The following ATRX variants were observed in gnomAD, a reference collection of about 807,000 sequenced individuals.
ATRX encodes the protein chromatin remodeler ATRX.
A neutral mutation model predicts 172.6 loss-of-function variants in ATRX; 12 were observed. That is an observed-to-expected ratio of 0.07 (90% CI 0.04 to 0.11). ATRX has a LOEUF of 0.11. Ranked by LOEUF, ATRX falls within the 10% of genes least tolerant of loss-of-function variation. ATRX has a pLI of 1.00. For missense variants in ATRX, 1,368 were observed against 1,767.4 expected (o/e 0.77, Z 4.05); for synonymous variants, 674 against 594.7 (o/e 1.13, Z -1.94).
At chrX:77,754,228 G>T (rs1319940081) in intron 1 of ATRX, among the ~76,000 whole-genome samples, 1 of 109,869 alleles carries the variant, frequency 9.1e-6, no homozygotes, top group Non-Finnish European at 1.9e-5. Flanking sequence ...GAGCCTATGT[G>T]TGTCTTTGCA....
chrX:77,635,281 T>A (rs1330989622), intron 16 of ATRX, among the ~76,000 whole-genome samples: 1 of 110,963 alleles, frequency 9.0e-6, no homozygotes, highest in African/African-American at 3.3e-5. Flanking sequence ...CGAGACTCCA[T>A]CTCAAAAAAT....
At chrX:77,531,797 G>C (rs187028014) in intron 30 of ATRX, among the ~76,000 whole-genome samples, 359 of 111,687 alleles carry the variant, frequency 3.2e-3, no homozygotes, top group Non-Finnish European at 5.6e-3. Context: ...TCAGGCAAGA[G>C]AAAGAAATAA....
chrX:77,758,720 T>C (rs2075606431), intron 1 of ATRX, among the ~76,000 whole-genome samples: 1 of 110,539 alleles, frequency 9.0e-6, no homozygotes, highest in Non-Finnish European at 1.9e-5. Context: ...ATCACGCCAC[T>C]GCACTTTAGC....
chrX:77,745,746 A>G (rs1207418481), intron 1 of ATRX, among the ~76,000 whole-genome samples: 1 of 111,571 alleles, frequency 9.0e-6, no homozygotes, highest in African/African-American at 3.3e-5. Context: ...GCATTTTAAT[A>G]TAACTACTAG....
chrX:77,655,667 CCA>C (rs2069506477), intron 13 of ATRX, among the ~76,000 whole-genome samples: 1 of 108,461 alleles, frequency 9.2e-6, no homozygotes, highest in African/African-American at 3.4e-5. Context: ...CCACTGTATT[CCA>C]CAGTATAACA....
intron 25 of ATRX, chrX:77,596,765 G>A (rs1356007572): frequency 1.8e-5 from 2 of 110,451 alleles, no homozygotes; most frequent in African/African-American, 6.6e-5. Context: ...ACTCATTTAC[G>A]GAGGCAAACC....
chrX:77,755,001 G>A (rs1486647626), intron 1 of ATRX, among the ~76,000 whole-genome samples: 1 of 111,969 alleles, frequency 8.9e-6, no homozygotes, highest in African/African-American at 3.2e-5. Context: ...TTTTCACATA[G>A]TCCCATATTT....
chrX:77,765,845 A>G (rs5959678), intron 1 of ATRX, among the ~76,000 whole-genome samples: 36 of 108,867 alleles, frequency 3.3e-4, no homozygotes, highest in South Asian at 2.4e-3. Flanking sequence ...GCGGCCTTCC[A>G]CAGTGTTTGT....
At chrX:77,681,177 T>C (rs1405261533) in intron 9 of ATRX, among the ~76,000 whole-genome samples, 1 of 111,678 alleles carries the variant, frequency 9.0e-6, no homozygotes, top group Non-Finnish European at 1.9e-5. Flanking sequence ...AAGCACTCAC[T>C]TCCATTATAT....
intron 22 of ATRX, chrX:77,616,182 C>A: frequency 1.2e-6 from 1 of 830,788 alleles, no homozygotes; most frequent in Non-Finnish European, 1.5e-6. Flanking sequence ...TACTACATGC[C>A]TTGCCTTCTA....
chrX:77,509,232 TA>T (rs1182678747), intron 34 of ATRX, among the ~76,000 whole-genome samples: 9 of 112,100 alleles, frequency 8.0e-5, no homozygotes, highest in Middle Eastern at 4.6e-3. Flanking sequence ...AGTACCCTTT[TA>T]AAGAATTATA....
intron 1 of ATRX, among the ~76,000 whole-genome samples, chrX:77,746,303 TA>T (rs1240201777): frequency 2.7e-5 from 3 of 110,861 alleles, no homozygotes; most frequent in Non-Finnish European, 3.8e-5. Context: ...TTTATATAAA[TA>T]AAAAAAGATC....
At chrX:77,753,333 T>C (rs1557188517) in intron 1 of ATRX, among the ~76,000 whole-genome samples, 1 of 111,565 alleles carries the variant, frequency 9.0e-6, no homozygotes, top group Admixed American at 9.5e-5. Flanking sequence ...TCATTCTTTA[T>C]TGTGTCTATT....
intron 22 of ATRX, among the ~76,000 whole-genome samples, chrX:77,605,776 A>G (rs1265542205): frequency 9.0e-6 from 1 of 111,661 alleles, no homozygotes; most frequent in African/African-American, 3.2e-5. Flanking sequence ...AAAAAGTTTA[A>G]AAGTAGAAAA....
At chrX:77,593,613 C>T in intron 26 of ATRX, 83 bp downstream of exon 26, 1 of 1,002,961 alleles carries the variant, frequency 1.0e-6, no homozygotes, top group Non-Finnish European at 1.4e-6. Flanking sequence ...GGAAAAGCAA[C>T]AGATTTGTTC....
chrX:77,723,445 T>C (rs782693591), intron 1 of ATRX, among the ~76,000 whole-genome samples: 1 of 111,963 alleles, frequency 8.9e-6, no homozygotes, highest in African/African-American at 3.2e-5. Context: ...AGAAATGAGA[T>C]ATAACAGACA....
intron 15 of ATRX, among the ~76,000 whole-genome samples, chrX:77,647,324 A>C (rs1557114331): frequency 8.9e-6 from 1 of 112,137 alleles, no homozygotes; most frequent in Non-Finnish European, 1.9e-5. Context: ...AAGAAAGATC[A>C]CAATCAAGAA....
At chrX:77,590,375 C>A (rs2066191628) in intron 26 of ATRX, among the ~76,000 whole-genome samples, 1 of 110,468 alleles carries the variant, frequency 9.1e-6, no homozygotes, top group African/African-American at 3.3e-5. Context: ...TTTTGGGAGA[C>A]CGAGACGGGT....
At chrX:77,599,001 C>T (rs1602730646) in intron 25 of ATRX, among the ~76,000 whole-genome samples, 1 of 111,588 alleles carries the variant, frequency 9.0e-6, no homozygotes, top group African/African-American at 3.3e-5. Flanking sequence ...TCCATTTATT[C>T]CCATACAGTT....
Sources: gnomAD v4.1 joint callset for allele counts (sites outside exome capture counted in the v4.1 genomes callset) on GRCh38, gnomAD v4.1.1 for gene constraint, MANE v1.5 for transcripts, NCBI Gene and HGNC (gene_info 2026-07-23, HGNC 2026-07-21) for gene names.